Variants in CCDC85A observed in about 807,000 individuals in gnomAD.
CCDC85A encodes coiled-coil domain-containing protein 85A.
In CCDC85A, 38 loss-of-function variants were observed where a neutral mutation model predicts 50.2. The ratio of observed to expected loss-of-function variants is 0.76; its 90% CI spans 0.58 to 0.99. The LOEUF (loss-of-function observed/expected upper bound fraction) is 0.99, where lower values mean the gene tolerates loss of function less well. CCDC85A is among the 50% of genes least tolerant of loss of function. The pLI is 0.00. For synonymous variants in CCDC85A, 366 were observed against 301.4 expected, an observed-to-expected ratio of 1.21 and a Z score of -2.22; for missense variants, 820 against 742.0, an observed-to-expected ratio of 1.11 and a Z score of -1.22.
intron 2 of CCDC85A, among the ~76,000 whole-genome samples, chr2:56,321,406 T>C (rs1573250595): frequency 6.6e-6 from 1 of 152,064 alleles, no homozygotes; most frequent in Non-Finnish European, 1.5e-5. Context: ...ATCATTCAGC[T>C]CAAAATCTCC....
intron 2 of CCDC85A, among the ~76,000 whole-genome samples, chr2:56,220,943 A>C (rs989502309): frequency 6.6e-6 from 1 of 152,032 alleles, no homozygotes; most frequent in Admixed American, 6.6e-5. Flanking sequence ...CTCCATTTGC[A>C]TGAAATTCCC....
intron 2 of CCDC85A, among the ~76,000 whole-genome samples, chr2:56,341,661 A>G (rs1674377482): frequency 6.6e-6 from 1 of 152,230 alleles, no homozygotes; most frequent in Admixed American, 6.5e-5. Context: ...ACATAAAGCC[A>G]TAAACTTTAG....
chr2:56,346,356 C>T lies in CCDC85A; in HGVS notation c.1317+3401C>T, dbSNP rs141201135. 1.8e-4 allele frequency among the ~76,000 whole-genome samples: 27 copies of T among 152,230 alleles called. No homozygotes were observed. In the East Asian group the frequency reaches 4.8e-3, roughly 27 times the overall value. On this transcript the variant is annotated intron_variant, in intron 3 of 5. Coordinates refer to ENST00000407595, the MANE Select transcript of CCDC85A (RefSeq NM_001080433.2). ...TTGTGGGCTCAGGGGTAAATAAAGG[C>T]TTGGGCCCATGTTTTATACATATAC...
At chr2:56,298,629 C>T (rs750288919) in intron 2 of CCDC85A, among the ~76,000 whole-genome samples, 2 of 152,008 alleles carry the variant, frequency 1.3e-5, no homozygotes, top group Non-Finnish European at 2.9e-5. Context: ...TTTCTAGTTT[C>T]GATTTTTAAA....
intron 5 of CCDC85A, among the ~76,000 whole-genome samples, chr2:56,383,253 A>G (rs1015931924): frequency 1.3e-5 from 2 of 151,980 alleles, no homozygotes; most frequent in Admixed American, 1.3e-4. Context: ...AAACCAAACA[A>G]AAGAAACAGT....
At chr2:56,381,413 C>T (rs1229327317) in intron 5 of CCDC85A, among the ~76,000 whole-genome samples, 4 of 152,024 alleles carry the variant, frequency 2.6e-5, no homozygotes, top group Non-Finnish European at 5.9e-5. Flanking sequence ...CCATAGAGGT[C>T]ATTCTCCAGT....
At position 56,322,806 on chromosome 2, in the gene CCDC85A, A is replaced by C. The variant is rs191067057; in HGVS notation, c.1241-20073A>C. On this transcript the variant is annotated intron_variant, in intron 2 of 5. Transcript: ENST00000407595. ...ATCCCATTACTGGGCATATACCCAA[A>C]GGATTATAAATCATGCTGCTATAAA... Among the ~76,000 whole-genome samples, 13 of 152,308 alleles carry C rather than the reference A, an allele frequency of 8.5e-5. No individual in the cohort carries two copies. The East Asian group carries it at 2.1e-3, about 25-fold the overall frequency.
At chr2:56,247,785 C>T (rs1318643544) in intron 2 of CCDC85A, among the ~76,000 whole-genome samples, 1 of 152,172 alleles carries the variant, frequency 6.6e-6, no homozygotes, top group Non-Finnish European at 1.5e-5. Context: ...TTATAAAATA[C>T]TGCCTTGTTT....
chr2:56,256,205 T>C (rs1040531889), intron 2 of CCDC85A, among the ~76,000 whole-genome samples: 9 of 152,206 alleles, frequency 5.9e-5, no homozygotes, highest in African/African-American at 2.2e-4. Flanking sequence ...TTAAAAACAA[T>C]AGTAAATGTT....
chr2:56,242,280 CT>C (rs1270020036), intron 2 of CCDC85A, among the ~76,000 whole-genome samples: 1 of 152,046 alleles, frequency 6.6e-6, no homozygotes, highest in Non-Finnish European at 1.5e-5. Context: ...CTATAAATAC[CT>C]GAGACTGGGT....
chr2:56,290,559 T>C (rs1376415027), intron 2 of CCDC85A, among the ~76,000 whole-genome samples: 1 of 152,214 alleles, frequency 6.6e-6, no homozygotes, highest in Non-Finnish European at 1.5e-5. Flanking sequence ...ACATCACTAG[T>C]GGTGATCATT....
At chr2:56,376,027 C>T (rs1676319527) in intron 5 of CCDC85A, 92 bp downstream of exon 5, 1 of 1,339,056 alleles carries the variant, frequency 7.5e-7, no homozygotes, top group East Asian at 2.7e-5. Flanking sequence ...CTTGCTTGAA[C>T]CATAGATATT....
At chr2:56,234,167 T>C (rs1031585958) in intron 2 of CCDC85A, among the ~76,000 whole-genome samples, 1 of 152,208 alleles carries the variant, frequency 6.6e-6, no homozygotes, top group African/African-American at 2.4e-5. Context: ...GCATCACTGC[T>C]TTCATTAGGG....
chr2:56,210,188 T>C (rs1415956867), intron 2 of CCDC85A, among the ~76,000 whole-genome samples: 2 of 152,140 alleles, frequency 1.3e-5, no homozygotes, highest in East Asian at 3.9e-4. Context: ...ATGTAATCTA[T>C]GTACTACATG....
chr2:56,202,844 T>A (rs1003302454), intron 2 of CCDC85A, among the ~76,000 whole-genome samples: 4 of 152,174 alleles, frequency 2.6e-5, no homozygotes, highest in Non-Finnish European at 4.4e-5. Context: ...AGACAGCAAA[T>A]GCCAATTCAC....
intron 2 of CCDC85A, among the ~76,000 whole-genome samples, chr2:56,198,414 G>T (rs947420935): frequency 6.6e-6 from 1 of 152,202 alleles, no homozygotes; most frequent in South Asian, 2.1e-4. Flanking sequence ...GATGGTTAAA[G>T]AAATAATAAT....
chr2:56,358,264 C>T (rs1675336616), intron 3 of CCDC85A, among the ~76,000 whole-genome samples: 1 of 152,176 alleles, frequency 6.6e-6, no homozygotes, highest in Non-Finnish European at 1.5e-5. Context: ...TTGATATTTA[C>T]TATGAGAGTT....
chr2:56,274,618 C>T (rs1300077575), intron 2 of CCDC85A, among the ~76,000 whole-genome samples: 1 of 152,192 alleles, frequency 6.6e-6, no homozygotes, highest in Non-Finnish European at 1.5e-5. Context: ...GTGTTAATTA[C>T]ATTCACAATA....
At chr2:56,370,381 G>A (rs79886698) in intron 3 of CCDC85A, among the ~76,000 whole-genome samples, 5,258 of 152,004 alleles carry the variant, frequency 0.035, 132 homozygotes, top group Non-Finnish European at 0.049. Context: ...GGCTGGCCCA[G>A]AACACACTTT....
Sources: allele counts gnomAD v4.1 joint callset (sites outside exome capture counted in the v4.1 genomes callset), GRCh38; gene constraint gnomAD v4.1.1; transcripts MANE v1.5; gene names NCBI Gene and HGNC (gene_info 2026-07-23, HGNC 2026-07-21).